DOCK4: variants seen among roughly 807,000 people sequenced by gnomAD.
DOCK4 encodes the protein dedicator of cytokinesis 4, also known as dedicator of cytokinesis protein 4.
Under a neutral mutation model 268.1 loss-of-function variants are expected in DOCK4, and 97 were observed. The ratio of observed to expected loss-of-function variants is 0.36; its 90% CI spans 0.31 to 0.43. The LOEUF (loss-of-function observed/expected upper bound fraction) is 0.43. Among genes scored for constraint, DOCK4 ranks in the 20% least tolerant of loss-of-function variants. The pLI, the probability that DOCK4 is intolerant of heterozygous loss-of-function variation, is 1.00. For missense variants in DOCK4, 2,145 were observed against 2,455.7 expected, an observed-to-expected ratio of 0.87 and a Z score of 2.67; for synonymous variants, 954 against 887.2, an observed-to-expected ratio of 1.08 and a Z score of -1.34.
chr7:112,096,323 T>G (rs955329470), intron 1 of DOCK4, among the ~76,000 whole-genome samples: 5 of 152,090 alleles, frequency 3.3e-5, no homozygotes, highest in Non-Finnish European at 7.4e-5. Context: ...CATGCCACCA[T>G]GCTCGTCTAA....
intron 49 of DOCK4, among the ~76,000 whole-genome samples, chr7:111,738,802 G>A (rs1296945240): frequency 6.6e-6 from 1 of 152,186 alleles, no homozygotes; most frequent in African/African-American, 2.4e-5. Flanking sequence ...GCCATGTGTG[G>A]TGGTGGGCAC....
At chr7:111,815,034 A>C (rs187064890) in intron 27 of DOCK4, among the ~76,000 whole-genome samples, 40 of 152,390 alleles carry the variant, frequency 2.6e-4, no homozygotes, top group African/African-American at 9.6e-4. Flanking sequence ...TATAGTATAC[A>C]TAAACGCTGA....
At chr7:112,094,137 A>T (rs2135776025) in intron 1 of DOCK4, among the ~76,000 whole-genome samples, 1 of 152,230 alleles carries the variant, frequency 6.6e-6, no homozygotes, top group African/African-American at 2.4e-5. Context: ...CAAATTTAGC[A>T]TTCATTTAAT....
intron 17 of DOCK4, among the ~76,000 whole-genome samples, chr7:111,876,005 G>A (rs1443741307): frequency 6.6e-6 from 1 of 152,056 alleles, no homozygotes; most frequent in Admixed American, 6.6e-5. Context: ...TTCTGTTTAA[G>A]GATCTCAATA....
At chr7:111,790,327 T>A in intron 31 of DOCK4, 130 bp downstream of exon 31, 6 of 1,082,500 alleles carry the variant, frequency 5.5e-6, no homozygotes, top group Non-Finnish European at 7.8e-6. Context: ...TGGGAGTGGA[T>A]AGGCCAGGCT....
intron 1 of DOCK4, among the ~76,000 whole-genome samples, chr7:112,169,487 C>T (rs539677438): frequency 3.9e-5 from 6 of 152,086 alleles, no homozygotes; most frequent in African/African-American, 1.4e-4. Flanking sequence ...TTTTGTGACC[C>T]AAATATTTGA....
At chr7:111,935,322 G>A (rs191969555) in intron 12 of DOCK4, 34 of 582,744 alleles carry the variant, frequency 5.8e-5, no homozygotes, top group Middle Eastern at 3.2e-4. Flanking sequence ...TATCTTTTTC[G>A]TTTCAACAAG....
chr7:112,060,769 T>C (rs1423322735), intron 1 of DOCK4, among the ~76,000 whole-genome samples: 1 of 152,090 alleles, frequency 6.6e-6, no homozygotes, highest in Non-Finnish European at 1.5e-5. Flanking sequence ...ATCAGAGTAG[T>C]CAAAAACACA....
chr7:112,172,348 C>T (rs928677300), intron 1 of DOCK4, among the ~76,000 whole-genome samples: 6 of 152,090 alleles, frequency 3.9e-5, no homozygotes, highest in Non-Finnish European at 8.8e-5. Context: ...TTGGTGGCCA[C>T]CAGCCTCTCT....
intron 12 of DOCK4, among the ~76,000 whole-genome samples, chr7:111,921,159 T>G (rs1793104974): frequency 6.6e-6 from 1 of 152,180 alleles, no homozygotes; most frequent in Non-Finnish European, 1.5e-5. Context: ...TAAAGTGAAC[T>G]TTCACATCAG....
At chr7:112,115,569 A>G (rs7777191) in intron 1 of DOCK4, among the ~76,000 whole-genome samples, 49,046 of 152,058 alleles carry the variant, frequency 0.32, 8,141 homozygotes, top group East Asian at 0.55. Flanking sequence ...ATCCTCTGCC[A>G]TGCTAAGCAT....
At position 111,773,075 on chromosome 7, in the gene DOCK4, CTG is replaced by C. The variant is rs540253819; in HGVS notation, c.3680-3400_3680-3399del. The stretch of plus-strand genomic sequence containing the variant: ...AATGACAACACATATCTGAGAAAAA[CTG>C]TGTCTAGAGGAGGCAGTAGTAAATT... On this transcript the variant is annotated intron_variant, in intron 36 of 52. Coordinates refer to ENST00000428084, the MANE Select transcript of DOCK4 (RefSeq NM_001363540.2). Among the ~76,000 whole-genome samples the C allele has an allele frequency of 2.1e-3, 326 of 152,326 alleles. 3 individuals carry two copies. The highest frequency in any genetic ancestry group is 6.9e-4 in the Non-Finnish European group (47 of 68,038).
intron 30 of DOCK4, chr7:111,808,577 T>A (rs1800843722): frequency 2.3e-6 from 1 of 433,478 alleles, no homozygotes; most frequent in African/African-American, 2.0e-5. Context: ...TGCTAGATTA[T>A]AAAATTTATC....
chr7:111,783,038 C>T (rs1798896941), intron 34 of DOCK4, 114 bp from the exon 35 acceptor site: 2 of 973,498 alleles, frequency 2.1e-6, no homozygotes, highest in Admixed American at 4.8e-5. Context: ...AAAAAAGAAG[C>T]CACTTTTAGG....
At chr7:112,151,392 T>C (rs1816057820) in intron 1 of DOCK4, among the ~76,000 whole-genome samples, 2 of 151,910 alleles carry the variant, frequency 1.3e-5, no homozygotes, top group South Asian at 4.2e-4. Flanking sequence ...ATACTCCAAA[T>C]ATGGTAGATA....
chr7:112,149,418 C>A (rs1272339990), intron 1 of DOCK4, among the ~76,000 whole-genome samples: 1 of 151,894 alleles, frequency 6.6e-6, no homozygotes, highest in East Asian at 1.9e-4. Context: ...TCTGTTACCA[C>A]GCCAACATGG....
At chr7:111,810,723 G>A (rs1191319414) in intron 28 of DOCK4, among the ~76,000 whole-genome samples, 7 of 152,024 alleles carry the variant, frequency 4.6e-5, no homozygotes, top group Non-Finnish European at 8.8e-5. Flanking sequence ...AGGGCCAGGC[G>A]CGGTGACTCA....
At chr7:112,187,336 A>C (rs1311856022) in intron 1 of DOCK4, among the ~76,000 whole-genome samples, 2 of 152,208 alleles carry the variant, frequency 1.3e-5, no homozygotes, top group Admixed American at 6.5e-5. Context: ...CCTTATGCCC[A>C]AAAAGACATT....
chr7:112,039,568 T>C (rs1804173787), intron 1 of DOCK4, among the ~76,000 whole-genome samples: 1 of 152,150 alleles, frequency 6.6e-6, no homozygotes. Context: ...TGAAGGATTT[T>C]CTGACTCTCA....
Sources: gnomAD v4.1 joint callset for allele counts (sites outside exome capture counted in the v4.1 genomes callset) on GRCh38, gnomAD v4.1.1 for gene constraint, MANE v1.5 for transcripts, NCBI Gene and HGNC (gene_info 2026-07-23, HGNC 2026-07-21) for gene names.